The following GPHN variants were observed in gnomAD, a reference collection of about 807,000 sequenced individuals.
The protein encoded by GPHN is gephyrin.
In GPHN, 17 loss-of-function variants were observed where a neutral mutation model predicts 95.5. The ratio of observed to expected loss-of-function variants is 0.18; its 90% CI spans 0.12 to 0.27. The LOEUF (loss-of-function observed/expected upper bound fraction) is 0.27. GPHN is among the 10% of genes least tolerant of loss of function. The pLI is 1.00. For synonymous variants in GPHN, 320 were observed against 322.5 expected (o/e 0.99, Z 0.08); for missense variants, 660 against 978.1 (o/e 0.67, Z 4.34).
chr14:66,701,056 T>C lies in GPHN; in HGVS notation c.143+19871T>C, dbSNP rs112411115. Among the ~76,000 whole-genome samples, 12 of 152,304 alleles carry C rather than the reference T, an allele frequency of 7.9e-5. 2 individuals are homozygous for C. Among genetic ancestry groups the C allele is most frequent in the African/African-American group, 2.9e-4 (12 of 41,580 alleles). On this transcript the variant is annotated intron_variant, in intron 2 of 22. Coordinates refer to ENST00000478722, the MANE Select transcript of GPHN (RefSeq NM_020806.5). ...TGCTTGCCCTGCCCTGCCATCCAGT[T>C]TTCCTTCCCTAAAAGCAACCTCTGT... is the stretch of plus-strand genomic sequence containing the variant.
At chr14:67,100,823 G>T (rs2077660309) in intron 12 of GPHN, 33 bp from the exon 13 acceptor site, 1 of 1,454,166 alleles carries the variant, frequency 6.9e-7, no homozygotes. Flanking sequence ...GGTCCATACT[G>T]ATGTTTGTTC....
the GPHN span, among the ~76,000 whole-genome samples, chr14:67,265,100 T>G: frequency 6.6e-6 from 1 of 152,266 alleles, no homozygotes; most frequent in South Asian, 2.1e-4. Flanking sequence ...TAGTATATTC[T>G]AAATACAGTT....
chr14:66,833,997 G>A (rs140494440), intron 4 of GPHN, among the ~76,000 whole-genome samples: 1 of 152,092 alleles, frequency 6.6e-6, no homozygotes, highest in Non-Finnish European at 1.5e-5. Context: ...ATTCCAGCCT[G>A]AACATTTCAA....
chr14:67,444,044 A>G, the GPHN span, among the ~76,000 whole-genome samples: 18 of 152,088 alleles, frequency 1.2e-4, 1 homozygote, highest in Admixed American at 9.2e-4. Context: ...AAACAATGCA[A>G]CCATTTGTCT....
chr14:66,552,182 T>C (rs188548014), intron 1 of GPHN, among the ~76,000 whole-genome samples: 10 of 152,288 alleles, frequency 6.6e-5, no homozygotes, highest in Admixed American at 6.5e-4. Flanking sequence ...TGGTTTTTAT[T>C]CTGTATAATC....
chr14:67,312,526 G>T, the GPHN span: 3 of 1,560,474 alleles, frequency 1.9e-6, no homozygotes, highest in East Asian at 2.3e-5. Context: ...TTATCTTTTA[G>T]ATCCATGTAA....
At chr14:66,916,604 A>G (rs1420531976) in intron 6 of GPHN, among the ~76,000 whole-genome samples, 1 of 150,482 alleles carries the variant, frequency 6.6e-6, no homozygotes, top group African/African-American at 2.4e-5. Context: ...GATTGATAGC[A>G]TTAGTCTCCA....
the GPHN span, chr14:67,648,235 G>C: frequency 8.3e-6 from 13 of 1,560,288 alleles, no homozygotes; most frequent in African/African-American, 1.4e-5. Context: ...AAATATGCTA[G>C]AGTCTCTTGC....
the GPHN span, chr14:67,397,910 T>C: frequency 9.2e-7 from 1 of 1,091,226 alleles, no homozygotes; most frequent in Non-Finnish European, 1.3e-6. Flanking sequence ...GTGGCACAAG[T>C]AACCAGACTG....
chr14:67,259,327 C>G, the GPHN span, among the ~76,000 whole-genome samples: 33 of 151,870 alleles, frequency 2.2e-4, 1 homozygote, highest in Admixed American at 1.4e-3. Flanking sequence ...TGAGTAAGGC[C>G]AGGCTGGGGG....
At chr14:67,146,487 G>A (rs895992111) in intron 18 of GPHN, among the ~76,000 whole-genome samples, 9 of 152,108 alleles carry the variant, frequency 5.9e-5, no homozygotes, top group Non-Finnish European at 1.2e-4. Flanking sequence ...GACAATGAAA[G>A]GTGGCAATAA....
At chr14:67,128,540 G>A (rs1426941100) in intron 17 of GPHN, among the ~76,000 whole-genome samples, 1 of 152,114 alleles carries the variant, frequency 6.6e-6, no homozygotes, top group South Asian at 2.1e-4. Flanking sequence ...TATAAATATG[G>A]TATATGCATG....
the GPHN span, chr14:67,352,862 T>A: frequency 9.8e-7 from 1 of 1,024,822 alleles, no homozygotes; most frequent in African/African-American, 1.6e-5. Context: ...AAAAAAAAAA[T>A]GCCAAGGGCC....
chr14:67,412,899 C>T, the GPHN span, among the ~76,000 whole-genome samples: 2 of 151,790 alleles, frequency 1.3e-5, no homozygotes, highest in African/African-American at 2.4e-5. Flanking sequence ...GTAGCTAGGA[C>T]TACAGGAGTG....
chr14:66,577,993 T>C (rs1373775574), intron 1 of GPHN, among the ~76,000 whole-genome samples: 2 of 151,926 alleles, frequency 1.3e-5, no homozygotes, highest in Non-Finnish European at 2.9e-5. Context: ...GAAGAGTGAA[T>C]CTCTGACTCA....
the GPHN span, chr14:67,729,289 C>A: frequency 1.7e-5 from 27 of 1,604,550 alleles, no homozygotes; most frequent in Admixed American, 5.0e-5. Context: ...GCTCTTCTCC[C>A]CCTTTGTCAA....
chr14:67,552,893 T>C, the GPHN span, among the ~76,000 whole-genome samples: 24 of 152,084 alleles, frequency 1.6e-4, no homozygotes, highest in Non-Finnish European at 2.6e-4. Flanking sequence ...CTCTGAAAAG[T>C]GCCTTGCCAT....
At chr14:67,582,392 A>T in the GPHN span, 1 of 1,033,424 alleles carries the variant, frequency 9.7e-7, no homozygotes, top group Non-Finnish European at 1.4e-6. This position sits in a 1 kb window ranked among gnomAD's most constrained non-coding sequence, Gnocchi z 5.0. Flanking sequence ...CACCGCAGAT[A>T]TAGGATGCGT....
the GPHN span, among the ~76,000 whole-genome samples, chr14:67,502,348 GA>G: frequency 3.6e-5 from 5 of 138,268 alleles, no homozygotes; most frequent in African/African-American, 1.1e-4. Flanking sequence ...AGAAAAGAAA[GA>G]AAAAAAAAGA....
Sources: gnomAD v4.1 joint callset for allele counts (sites outside exome capture counted in the v4.1 genomes callset) on GRCh38, gnomAD v4.1.1 for gene constraint, Gnocchi (gnomAD v3.1) non-coding constraint, MANE v1.5 for transcripts, NCBI Gene and HGNC (gene_info 2026-07-23, HGNC 2026-07-21) for gene names.